Variants in MAP2K5 observed in about 807,000 individuals in gnomAD.
MAP2K5 encodes dual specificity mitogen-activated protein kinase kinase 5.
In MAP2K5, 49 loss-of-function variants were observed where a neutral mutation model predicts 83.1. The observed-to-expected ratio is 0.59, with a 90% confidence interval of 0.47 to 0.75. The LOEUF (loss-of-function observed/expected upper bound fraction) is 0.75, where lower values mean the gene tolerates loss of function less well. Among genes scored for constraint, MAP2K5 ranks in the 30% least tolerant of loss-of-function variants. The probability of loss-of-function intolerance (pLI) is 0.00; values close to 1 mark genes in which losing one functional copy is unlikely to be tolerated. For synonymous variants in MAP2K5, 202 were observed against 191.8 expected (o/e 1.05, Z -0.44); for missense variants, 457 against 557.5 (o/e 0.82, Z 1.82).
intron 13 of MAP2K5, among the ~76,000 whole-genome samples, chr15:67,667,307 G>C (rs934887910): frequency 6.6e-6 from 1 of 152,174 alleles, no homozygotes; most frequent in African/African-American, 2.4e-5. Context: ...GAGCTTTTAA[G>C]TTCAGCTAAG....
intron 4 of MAP2K5, 42 bp from the exon 5 acceptor site, chr15:67,585,848 T>C (rs1030296997): frequency 1.9e-6 from 3 of 1,571,816 alleles, no homozygotes; most frequent in South Asian, 1.1e-5. Context: ...AATTTGTAAA[T>C]GGCCCTGATG....
intron 7 of MAP2K5, among the ~76,000 whole-genome samples, chr15:67,595,985 T>G (rs1310116249): frequency 1.3e-5 from 2 of 152,020 alleles, no homozygotes; most frequent in Admixed American, 6.5e-5. Flanking sequence ...TCTTTTTTTT[T>G]TTTTGTTTTT....
chr15:67,768,762 T>G lies in MAP2K5; in HGVS notation c.1135-840T>G, dbSNP rs2090089552. On this transcript the variant is annotated intron_variant, in intron 19 of 21. Transcript: ENST00000178640. This position sits in a 1 kb window ranked among gnomAD's most constrained non-coding sequence, Gnocchi z 4.0. ...TCTAATGAGATGACTGTTAAAGTAC[T>G]CTGCAGTGTAATTTTATTACATCCT... 6.6e-6 allele frequency among the ~76,000 whole-genome samples: 1 copy of G among 152,236 alleles called. No homozygotes were observed. Among genetic ancestry groups the G allele is most frequent in the Admixed American group, 6.5e-5 (1 of 15,280 alleles).
rs1232317177 is a variant in MAP2K5 at position 67,750,092 on chromosome 15, T to C, written c.1134+1491T>C. On this transcript the variant is annotated intron_variant, in intron 19 of 21. Transcript: ENST00000178640. The surrounding 1 kb of genome is among the most constrained non-coding windows in gnomAD (Gnocchi z 4.2). ...ACAGTTATTGCTGTTCAATTTAAAA[T>C]ATCTTACTTGTTTAATTTGGGCAAA... Among the ~76,000 whole-genome samples the C allele has an allele frequency of 1.3e-5, 2 of 152,376 alleles. No individual in the cohort carries two copies. The highest frequency in any genetic ancestry group is 3.8e-4 in the East Asian group (2 of 5,196).
intron 21 of MAP2K5, among the ~76,000 whole-genome samples, chr15:67,791,298 A>G (rs1449675937): frequency 1.3e-5 from 2 of 152,182 alleles, no homozygotes; most frequent in Non-Finnish European, 2.9e-5. Flanking sequence ...AAGGGCTTCA[A>G]ATCACCTGTT....
Position 67,667,653 on chromosome 15 carries a change from A to T in MAP2K5, c.847+3008A>T, listed in dbSNP as rs184335885. On this transcript the variant is annotated intron_variant, in intron 13 of 21. Transcript: ENST00000178640. Reference sequence around the variant, plus strand: ...TAATGCCGTTCTTAAAAACCAGAGTAAAAAAAAAAAGAAATTGCTTTGTAC... The same window carrying T: ...TAATGCCGTTCTTAAAAACCAGAGTTAAAAAAAAAAGAAATTGCTTTGTAC... Among the ~76,000 whole-genome samples the T allele has an allele frequency of 7.0e-4, 102 of 146,242 alleles. 1 individual carries two copies. In the East Asian group the frequency reaches 7.5e-3, roughly 11 times the overall value.
At position 67,580,793 on chromosome 15, in the gene MAP2K5, T is replaced by C; in HGVS notation, c.292T>C (p.Leu98=). Residue 98 remains leucine (L), a synonymous_variant, in exon 4 of 22, where the codon TTA becomes CTA. Transcript: ENST00000178640. ...TVMEQQVNGQ[L]IEPLQIFPRA... ...AATGGAACAGCAAGTAAATGGACAG[T>C]TAATAGAGCCTCTGCAGATATTTCC... The C allele has an allele frequency of 6.2e-7, 1 of 1,609,466 alleles. No homozygotes were observed. The highest frequency in any genetic ancestry group is 8.5e-7 in the Non-Finnish European group (1 of 1,176,716).
At chr15:67,616,377 A>G (rs1238504457) in intron 8 of MAP2K5, among the ~76,000 whole-genome samples, 1 of 152,178 alleles carries the variant, frequency 6.6e-6, no homozygotes, top group Non-Finnish European at 1.5e-5. Flanking sequence ...GTTTTAGACA[A>G]TGATTTATTT....
At chr15:67,742,426 A>C (rs909971323) in intron 17 of MAP2K5, among the ~76,000 whole-genome samples, 1 of 152,238 alleles carries the variant, frequency 6.6e-6, no homozygotes, top group African/African-American at 2.4e-5. Context: ...ATTTTGAAAC[A>C]TTAAAATGTT....
At chr15:67,560,304 T>C (rs2084707907) in intron 2 of MAP2K5, among the ~76,000 whole-genome samples, 1 of 152,256 alleles carries the variant, frequency 6.6e-6, no homozygotes, top group African/African-American at 2.4e-5. Context: ...AGTCTTCTCA[T>C]GGGTATGGTT....
At chr15:67,723,074 A>G (rs1231826088) in intron 16 of MAP2K5, among the ~76,000 whole-genome samples, 1 of 152,156 alleles carries the variant, frequency 6.6e-6, no homozygotes, top group Non-Finnish European at 1.5e-5. Flanking sequence ...TACTAAAAAC[A>G]TGTCTTGAAT....
intron 13 of MAP2K5, among the ~76,000 whole-genome samples, chr15:67,687,823 AG>A (rs2087994265): frequency 6.6e-6 from 1 of 152,042 alleles, no homozygotes; most frequent in South Asian, 2.1e-4. Flanking sequence ...ACACCATTCT[AG>A]ATGTGGTAGT....
At chr15:67,682,613 C>T (rs1596786784) in intron 13 of MAP2K5, among the ~76,000 whole-genome samples, 1 of 151,710 alleles carries the variant, frequency 6.6e-6, no homozygotes, top group African/African-American at 2.4e-5. Flanking sequence ...GCAGGCAGAT[C>T]ATGAGGTCAG....
chr15:67,582,079 T>C (rs998020271), intron 4 of MAP2K5, among the ~76,000 whole-genome samples: 5 of 149,938 alleles, frequency 3.3e-5, no homozygotes, highest in East Asian at 1.9e-4. Context: ...TTTTTTTTTT[T>C]CGAGACAGAG....
intron 17 of MAP2K5, among the ~76,000 whole-genome samples, chr15:67,735,245 G>A (rs888605309): frequency 2.0e-5 from 3 of 152,186 alleles, no homozygotes; most frequent in Non-Finnish European, 4.4e-5. Context: ...AAATAGAGCA[G>A]AAATGGAAGA....
intron 9 of MAP2K5, among the ~76,000 whole-genome samples, chr15:67,635,142 A>G (rs2086571550): frequency 6.6e-6 from 1 of 150,930 alleles, no homozygotes; most frequent in Non-Finnish European, 1.5e-5. Flanking sequence ...ATCATATGCG[A>G]TAAACCCCAA....
chr15:67,806,867 C>T lies in MAP2K5; in HGVS notation c.*117C>T, dbSNP rs756052971. 4 of 1,595,234 alleles carry T rather than the reference C, an allele frequency of 2.5e-6. No individual in the cohort carries two copies. The highest frequency in any genetic ancestry group is 3.4e-6 in the Non-Finnish European group (4 of 1,178,318). ...GCTTTGCTGGGCCCTGGCTTCCCTG[C>T]CCTCGCCTTCACCTCTGTCAGCAGG... On this transcript the variant is annotated 3_prime_UTR_variant, in exon 22 of 22. Coordinates refer to ENST00000178640, the MANE Select transcript of MAP2K5 (RefSeq NM_145160.3).
In MAP2K5 at chr15:67,739,023, T is replaced by G. The variant is rs1019994882; in HGVS notation, c.1075-9208T>G. Among the ~76,000 whole-genome samples, 7 of 152,194 alleles carry G rather than the reference T, an allele frequency of 4.6e-5. 1 individual carries two copies. The South Asian group carries it at 1.5e-3, about 32-fold the overall frequency. On this transcript the variant is annotated intron_variant, in intron 17 of 21. Transcript: ENST00000178640. ...AGCCAGGTGTGCTAGCTCAAACCTG[T>G]AATCCTAGCACTTTGGGAGCCCAAG... is the stretch of plus-strand genomic sequence containing the variant.
At chr15:67,580,158 A>G (rs1237393808) in intron 3 of MAP2K5, among the ~76,000 whole-genome samples, 1 of 152,214 alleles carries the variant, frequency 6.6e-6, no homozygotes, top group Non-Finnish European at 1.5e-5. Context: ...AGAATTTTAC[A>G]GTGCAATTTG....
Sources: gnomAD v4.1 joint callset for allele counts (sites outside exome capture counted in the v4.1 genomes callset) on GRCh38, gnomAD v4.1.1 for gene constraint, Gnocchi (gnomAD v3.1) non-coding constraint, MANE v1.5 for transcripts, NCBI Gene and HGNC (gene_info 2026-07-23, HGNC 2026-07-21) for gene names.